RELN: variants seen among roughly 807,000 people sequenced by gnomAD.
The protein encoded by RELN is reelin.
RELN carries 108 observed loss-of-function variants against 427.6 expected under a neutral mutation model. The ratio of observed to expected loss-of-function variants is 0.25; its 90% CI spans 0.22 to 0.30. The LOEUF is 0.30. Among genes scored for constraint, RELN ranks in the 10% least tolerant of loss-of-function variants. The pLI is 1.00. For synonymous variants in RELN, 1,524 were observed against 1,513.4 expected (o/e 1.01, Z -0.16); for missense variants, 3,715 against 4,302.8 (o/e 0.86, Z 3.82).
At chr7:103,475,306 T>C (rs1554359026) in intron 64 of RELN, among the ~76,000 whole-genome samples, 1 of 152,130 alleles carries the variant, frequency 6.6e-6, no homozygotes, top group Admixed American at 6.5e-5. Context: ...AACTAAACTT[T>C]TGTTGGTATG....
chr7:103,911,523 T>C lies in RELN; in HGVS notation c.337+5552A>G, dbSNP rs765679085. Among the ~76,000 whole-genome samples the C allele has an allele frequency of 8.3e-3, 1,224 of 148,208 alleles. 9 individuals are homozygous for C. Among genetic ancestry groups the C allele is most frequent in the Non-Finnish European group, 0.014 (968 of 67,210 alleles). On this transcript the variant is annotated intron_variant, in intron 2 of 64. Transcript: ENST00000428762. Reference sequence around the variant, plus strand: ...TACTGGGTATATACCCAAATGACTATAAATCATGCTGCTATAAAGACACAT... The same window carrying C: ...TACTGGGTATATACCCAAATGACTACAAATCATGCTGCTATAAAGACACAT...
chr7:103,553,414 G>T (rs1450921707), intron 40 of RELN, 47 bp downstream of exon 40: 2 of 1,411,816 alleles, frequency 1.4e-6, no homozygotes, highest in African/African-American at 2.8e-5. Flanking sequence ...CCTAGGTTTT[G>T]TTCAATATAA....
At chr7:103,898,783 A>T in intron 2 of RELN, among the ~76,000 whole-genome samples, 1 of 152,036 alleles carries the variant, frequency 6.6e-6, no homozygotes, top group East Asian at 1.9e-4. Context: ...TAAAAGCTAA[A>T]GGCTCCTTTA....
intron 20 of RELN, among the ~76,000 whole-genome samples, chr7:103,621,140 T>C (rs1278240072): frequency 6.6e-6 from 1 of 152,214 alleles, no homozygotes; most frequent in East Asian, 1.9e-4. Context: ...CACCTATGTC[T>C]CATGTTAAAT....
At chr7:103,538,877 C>T (rs761010814) in intron 45 of RELN, among the ~76,000 whole-genome samples, 1 of 152,196 alleles carries the variant, frequency 6.6e-6, no homozygotes, top group Non-Finnish European at 1.5e-5. Context: ...AGCTCACATT[C>T]TATTGCTTTC....
At chr7:103,511,467 T>TAG (rs1287888962) in intron 50 of RELN, among the ~76,000 whole-genome samples, 1 of 152,200 alleles carries the variant, frequency 6.6e-6, no homozygotes, top group Non-Finnish European at 1.5e-5. Context: ...GGATAGGGAA[T>TAG]AGAGTTAACT....
chr7:103,788,454 C>A (rs534795022), intron 3 of RELN, among the ~76,000 whole-genome samples: 1 of 152,284 alleles, frequency 6.6e-6, no homozygotes, highest in South Asian at 2.1e-4. Flanking sequence ...CGTCTCAGCC[C>A]AAAATCTCCT....
chr7:103,833,352 C>A (rs752132140), intron 3 of RELN, among the ~76,000 whole-genome samples, 185 bp downstream of exon 3: 22 of 152,120 alleles, frequency 1.4e-4, no homozygotes, highest in Non-Finnish European at 3.1e-4. Flanking sequence ...TATAACTATG[C>A]AAAAATAAAC....
intron 3 of RELN, among the ~76,000 whole-genome samples, chr7:103,779,394 T>C (rs1481209987): frequency 1.3e-5 from 2 of 152,200 alleles, no homozygotes; most frequent in African/African-American, 4.8e-5. Context: ...GGCTAGTATA[T>C]ATACTTACTG....
intron 61 of RELN, among the ~76,000 whole-genome samples, chr7:103,485,128 T>C (rs114580366): frequency 0.012 from 1,779 of 150,186 alleles, 43 homozygotes; most frequent in African/African-American, 0.041. Context: ...ATTGAAAACA[T>C]AGTGTGCCAT....
chr7:103,475,178 G>A (rs1827991106), intron 64 of RELN, among the ~76,000 whole-genome samples: 1 of 151,870 alleles, frequency 6.6e-6, no homozygotes, highest in African/African-American at 2.4e-5. Context: ...ACGTGTTCAA[G>A]TATTACATTT....
intron 11 of RELN, among the ~76,000 whole-genome samples, chr7:103,674,546 A>G (rs1833469814): frequency 1.3e-5 from 2 of 152,276 alleles, no homozygotes; most frequent in Non-Finnish European, 2.9e-5. Context: ...GAGGATTCCC[A>G]TGAGGGCACA....
chr7:103,521,531 C>T (rs1227972570), intron 48 of RELN, among the ~76,000 whole-genome samples: 1 of 152,196 alleles, frequency 6.6e-6, no homozygotes, highest in Non-Finnish European at 1.5e-5. Context: ...GGAACCATCA[C>T]AGCTCATTTT....
chr7:103,572,690 C>A (rs1830911138), intron 30 of RELN, among the ~76,000 whole-genome samples: 1 of 151,878 alleles, frequency 6.6e-6, no homozygotes. Context: ...GTGCCCGCCA[C>A]CACGCCTGGC....
chr7:103,595,172 T>C (rs1044684096), intron 25 of RELN, among the ~76,000 whole-genome samples: 2 of 152,236 alleles, frequency 1.3e-5, no homozygotes, highest in African/African-American at 4.8e-5. Flanking sequence ...TATTTACTTA[T>C]AGAGTTACCT....
At chr7:103,485,544 A>G (rs1306023842) in intron 61 of RELN, among the ~76,000 whole-genome samples, 2 of 152,202 alleles carry the variant, frequency 1.3e-5, no homozygotes, top group South Asian at 2.1e-4. Context: ...TTGAATTTAT[A>G]TAGACAAAAA....
chr7:103,717,520 T>C (rs1271618741), intron 8 of RELN, among the ~76,000 whole-genome samples: 3 of 151,766 alleles, frequency 2.0e-5, no homozygotes, highest in Non-Finnish European at 4.4e-5. Context: ...TTTGAAGATC[T>C]GGAAATTAAG....
At chr7:103,866,893 C>G (rs1794213802) in intron 2 of RELN, among the ~76,000 whole-genome samples, 1 of 152,044 alleles carries the variant, frequency 6.6e-6, no homozygotes, top group Admixed American at 6.6e-5. Context: ...ACTCTAGAGA[C>G]ACAGAATTAG....
At chr7:103,597,148 T>C (rs892828131) in intron 24 of RELN, among the ~76,000 whole-genome samples, 4 of 152,176 alleles carry the variant, frequency 2.6e-5, no homozygotes, top group East Asian at 1.9e-4. Context: ...CTTCCTCATA[T>C]GGTGTTGTGA....
Sources: allele counts gnomAD v4.1 joint callset (sites outside exome capture counted in the v4.1 genomes callset), GRCh38; gene constraint gnomAD v4.1.1; transcripts MANE v1.5; gene names NCBI Gene and HGNC (gene_info 2026-07-23, HGNC 2026-07-21).